GLIS3: variants seen among roughly 807,000 people sequenced by gnomAD.
The protein encoded by GLIS3 is GLIS family zinc finger 3.
GLIS3 carries 53 observed loss-of-function variants against 78.6 expected under a neutral mutation model. The ratio of observed to expected loss-of-function variants is 0.67; its 90% CI spans 0.54 to 0.85. The LOEUF is 0.85. GLIS3 is among the 40% of genes least tolerant of loss of function. The pLI is 0.00. For synonymous variants in GLIS3, 684 were observed against 509.9 expected (o/e 1.34, Z -4.60); for missense variants, 1,703 against 1,231.1 (o/e 1.38, Z -5.74).
At chr9:4,165,274 C>A (rs149947115) in intron 2 of GLIS3, among the ~76,000 whole-genome samples, 2,063 of 152,214 alleles carry the variant, frequency 0.014, 48 homozygotes, top group African/African-American at 0.047. Flanking sequence ...AACCCCATCT[C>A]TCCTAAAAAT....
At chr9:4,114,486 T>C (rs1161675853) in intron 4 of GLIS3, among the ~76,000 whole-genome samples, 1 of 152,170 alleles carries the variant, frequency 6.6e-6, no homozygotes, top group Non-Finnish European at 1.5e-5. Context: ...AAAAACTTAA[T>C]AGAATTCAAC....
chr9:3,937,867 G>C (rs147185903), intron 4 of GLIS3, among the ~76,000 whole-genome samples: 1 of 152,096 alleles, frequency 6.6e-6, no homozygotes, highest in Non-Finnish European at 1.5e-5. Flanking sequence ...AAAAAGTACC[G>C]TAATACTTTA....
chr9:3,835,810 T>C (rs61158486), intron 9 of GLIS3, among the ~76,000 whole-genome samples: 1 of 152,252 alleles, frequency 6.6e-6, no homozygotes, highest in Admixed American at 6.5e-5. Flanking sequence ...TCAATTTCTA[T>C]GCTTTCATTT....
chr9:4,212,152 T>C (rs1820434539), intron 2 of GLIS3, among the ~76,000 whole-genome samples: 1 of 152,236 alleles, frequency 6.6e-6, no homozygotes, highest in Admixed American at 6.5e-5. Flanking sequence ...GTGAATGATA[T>C]ATGTAAATTA....
At chr9:4,087,554 T>G (rs943714238) in intron 4 of GLIS3, among the ~76,000 whole-genome samples, 3 of 152,002 alleles carry the variant, frequency 2.0e-5, no homozygotes, top group African/African-American at 7.2e-5. Flanking sequence ...GAAAACCCCA[T>G]GATATGGAGA....
the GLIS3 span, among the ~76,000 whole-genome samples, chr9:4,452,249 T>C: frequency 6.6e-6 from 1 of 152,184 alleles, no homozygotes. Context: ...AGCATTCCTT[T>C]TGAAAACTGG....
chr9:4,070,081 T>C (rs1827459551), intron 4 of GLIS3, among the ~76,000 whole-genome samples: 1 of 152,146 alleles, frequency 6.6e-6, no homozygotes, highest in Non-Finnish European at 1.5e-5. Context: ...AATACTCAAG[T>C]GATTCTGACT....
chr9:4,451,881 C>T, the GLIS3 span, among the ~76,000 whole-genome samples: 3 of 147,954 alleles, frequency 2.0e-5, no homozygotes, highest in Non-Finnish European at 2.9e-5. Flanking sequence ...GCACTAAATG[C>T]CCACAAGAGA....
At chr9:4,039,404 C>G (rs756065949) in intron 4 of GLIS3, among the ~76,000 whole-genome samples, 5 of 152,218 alleles carry the variant, frequency 3.3e-5, no homozygotes, top group Admixed American at 1.3e-4. Context: ...CTCTCTCTCT[C>G]TCTTCCAGAC....
At chr9:4,086,729 T>C (rs183995604) in intron 4 of GLIS3, among the ~76,000 whole-genome samples, 17 of 152,342 alleles carry the variant, frequency 1.1e-4, no homozygotes, top group African/African-American at 3.8e-4. Flanking sequence ...CTCTACAGCA[T>C]GTGCCGGGCA....
intron 4 of GLIS3, among the ~76,000 whole-genome samples, chr9:3,965,318 C>T (rs1453970426): frequency 4.0e-5 from 6 of 151,166 alleles, no homozygotes; most frequent in African/African-American, 9.7e-5. Context: ...CTCAGCCTCC[C>T]GAATAGCTGG....
At chr9:4,231,523 A>G (rs1026304760) in intron 2 of GLIS3, among the ~76,000 whole-genome samples, 19 of 152,226 alleles carry the variant, frequency 1.2e-4, no homozygotes, top group Middle Eastern at 3.2e-3. Context: ...CCTTAGATAG[A>G]AAGCATGAGC....
In GLIS3 at chr9:4,203,000, A is replaced by C. The variant is rs527959984; in HGVS notation, c.389-77059T>G. ...GACCTAATTAAACTAAAGAACTTCT[A>C]TACGGCAAAAGAAATTATCAGCAAA... On this transcript the variant is annotated intron_variant, in intron 2 of 10. Coordinates refer to ENST00000381971, the MANE Select transcript of GLIS3 (RefSeq NM_001042413.2). 2.0e-5 allele frequency among the ~76,000 whole-genome samples: 3 copies of C among 152,350 alleles called. No homozygotes were observed. The East Asian group carries it at 5.8e-4, about 29-fold the overall frequency.
At chr9:3,912,222 G>C (rs1449588731) in intron 6 of GLIS3, among the ~76,000 whole-genome samples, 1 of 152,128 alleles carries the variant, frequency 6.6e-6, no homozygotes, top group African/African-American at 2.4e-5. Flanking sequence ...AGAGGCTATT[G>C]CGTACGTTAA....
chr9:3,912,464 A>G (rs1418981051), intron 6 of GLIS3, among the ~76,000 whole-genome samples: 1 of 152,198 alleles, frequency 6.6e-6, no homozygotes, highest in Non-Finnish European at 1.5e-5. Context: ...GGGAATGTTA[A>G]TACTTCATTT....
Position 4,283,270 on chromosome 9 carries a change from T to TTTTTTTG in GLIS3, c.388+2767_388+2768insCAAAAAA, listed in dbSNP as rs1491549142. On this transcript the variant is annotated intron_variant, in intron 2 of 10. Coordinates refer to ENST00000381971, the MANE Select transcript of GLIS3 (RefSeq NM_001042413.2). ...ACTGTGCTGTTTTTTTGTTTTTTTG[T>TTTTTTTG]TTTTTTTTTTTTTGAGATAGAGTCT... is the stretch of plus-strand genomic sequence containing the variant. Among the ~76,000 whole-genome samples, 3 of 5,202 alleles carry TTTTTTTG rather than the reference T, an allele frequency of 5.8e-4. No homozygotes were observed. The East Asian group carries it at 0.012, about 21-fold the overall frequency. The allele number at this position is 5,202 out of a possible 152,430, so 3.4% of individuals were successfully genotyped here.
intron 4 of GLIS3, among the ~76,000 whole-genome samples, chr9:4,079,303 C>T (rs1204915474): frequency 1.3e-5 from 2 of 152,112 alleles, no homozygotes; most frequent in East Asian, 1.9e-4. Flanking sequence ...AAGATTGAAG[C>T]CCAAAGAGTC....
chr9:4,300,943 T>C (rs1257381533), upstream of GLIS3, among the ~76,000 whole-genome samples: 1 of 152,062 alleles, frequency 6.6e-6, no homozygotes, highest in Non-Finnish European at 1.5e-5. Flanking sequence ...ACCAGACACT[T>C]AGAATTTCAC....
the GLIS3 span, among the ~76,000 whole-genome samples, chr9:4,397,023 T>C: frequency 7.1e-6 from 1 of 140,412 alleles, no homozygotes; most frequent in Non-Finnish European, 1.5e-5. Context: ...TTTCTTTTTT[T>C]CTTTTTTTTT....
Sources: allele counts gnomAD v4.1 joint callset (sites outside exome capture counted in the v4.1 genomes callset), GRCh38; gene constraint gnomAD v4.1.1; transcripts MANE v1.5; gene names NCBI Gene and HGNC (gene_info 2026-07-23, HGNC 2026-07-21).